CELF2: variants seen among roughly 807,000 people sequenced by gnomAD.
CELF2 encodes CUG triplet repeat RNA-binding protein 2.
A neutral mutation model predicts 62.6 loss-of-function variants in CELF2; 8 were observed. That is an observed-to-expected ratio of 0.13 (90% CI 0.07 to 0.23). CELF2 has a LOEUF of 0.23. Among genes scored for constraint, CELF2 ranks in the 10% least tolerant of loss-of-function variants. The pLI is 1.00. For synonymous variants in CELF2, 258 were observed against 250.0 expected, an observed-to-expected ratio of 1.03 and a Z score of -0.30; for missense variants, 333 against 671.0, an observed-to-expected ratio of 0.50 and a Z score of 5.56.
At chr10:10,943,596 G>GT (rs1377074347) in intron 2 of CELF2, among the ~76,000 whole-genome samples, 1 of 151,504 alleles carries the variant, frequency 6.6e-6, no homozygotes. Flanking sequence ...GCTCTTTTCT[G>GT]TTTTTTGTTT....
intron 1 of CELF2, among the ~76,000 whole-genome samples, chr10:11,113,242 A>G (rs1452525478): frequency 6.6e-6 from 1 of 152,220 alleles, no homozygotes; most frequent in African/African-American, 2.4e-5. Flanking sequence ...TGTTTCCAAA[A>G]GGAAAATCAA....
intron 1 of CELF2, among the ~76,000 whole-genome samples, chr10:10,799,489 A>C (rs2054428408): frequency 6.6e-6 from 1 of 152,114 alleles, no homozygotes; most frequent in Non-Finnish European, 1.5e-5. Flanking sequence ...ATCTCAAAAA[A>C]TTTAAAAAAA....
intron 1 of CELF2, among the ~76,000 whole-genome samples, chr10:10,830,786 T>A (rs576675553): frequency 6.6e-6 from 1 of 152,328 alleles, no homozygotes; most frequent in Non-Finnish European, 1.5e-5. Context: ...AGCACACAAC[T>A]GCATACTTCC....
the CELF2 span, among the ~76,000 whole-genome samples, chr10:10,486,568 G>C: frequency 6.3e-3 from 959 of 152,138 alleles, 2 homozygotes; most frequent in Non-Finnish European, 0.011. Context: ...TTTTATTATG[G>C]GGAGAGTTTT....
the CELF2 span, among the ~76,000 whole-genome samples, chr10:10,618,713 G>A: frequency 6.6e-6 from 1 of 152,068 alleles, no homozygotes. Context: ...CCTGAAGGTC[G>A]TTGCCTCACG....
the CELF2 span, among the ~76,000 whole-genome samples, chr10:10,790,850 C>T: frequency 6.6e-6 from 1 of 152,214 alleles, no homozygotes; most frequent in East Asian, 1.9e-4. Flanking sequence ...TTCTGATTGT[C>T]AGTTAGAAGA....
chr10:11,074,528 A>T lies in CELF2; in HGVS notation c.74+56365A>T, dbSNP rs1257836872. Among the ~76,000 whole-genome samples the T allele has an allele frequency of 2.0e-5, 3 of 152,322 alleles. No homozygotes were observed. The East Asian group carries it at 5.8e-4, about 29-fold the overall frequency. The stretch of plus-strand genomic sequence containing the variant: ...GGGAAAGATTTCTAGCCCATGCCTG[A>T]TTGCCGTTTTTTGGTTTGCCTAATT... On this transcript the variant is annotated intron_variant, in intron 1 of 12. Transcript: ENST00000633077.
At chr10:10,641,147 C>G in the CELF2 span, among the ~76,000 whole-genome samples, 1 of 152,170 alleles carries the variant, frequency 6.6e-6, no homozygotes, top group Non-Finnish European at 1.5e-5. Context: ...CACTCATCAA[C>G]AACAATAACC....
Position 11,064,004 on chromosome 10 carries a change from G to C in CELF2, c.74+45841G>C, listed in dbSNP as rs116653178. Among the ~76,000 whole-genome samples the C allele has an allele frequency of 4.9e-3, 749 of 152,284 alleles. 7 individuals carry two copies. The highest frequency in any genetic ancestry group is 0.018 in the African/African-American group (728 of 41,558). Reference sequence around the variant, plus strand: ...TTGCATTCACTCAGTTGAACTACAGGAAACTAATTCCTGAGTGCCTTCAGC... The same window carrying C: ...TTGCATTCACTCAGTTGAACTACAGCAAACTAATTCCTGAGTGCCTTCAGC... On this transcript the variant is annotated intron_variant, in intron 1 of 12. Transcript: ENST00000633077.
In CELF2 at chr10:11,202,901, A is replaced by ATCTCTCTC. The variant is rs56373613; in HGVS notation, c.272-14480_272-14473dup. 5.6e-4 allele frequency among the ~76,000 whole-genome samples: 40 copies of ATCTCTCTC among 70,964 alleles called. No homozygotes were observed. The East Asian group carries it at 6.2e-3, about 11-fold the overall frequency. The allele number at this position is 70,964 out of a possible 152,430, so 46.6% of individuals were successfully genotyped here. A position where few individuals can be genotyped will look rare whatever the true frequency, so the allele number is the denominator to read the frequency against. ...TGCCTGCCTTCCCACCCCCATCCTC[A>ATCTCTCTC]TCTCTCTCTCTCTCTCTCTCTCTCT... On this transcript the variant is annotated intron_variant, in intron 2 of 12. Transcript: ENST00000633077.
At chr10:10,873,662 A>G (rs770730879) in intron 1 of CELF2, among the ~76,000 whole-genome samples, 7 of 152,364 alleles carry the variant, frequency 4.6e-5, no homozygotes, top group Admixed American at 2.0e-4. Flanking sequence ...TTTTTAACCA[A>G]GGTTGTAGAG....
intron 1 of CELF2, among the ~76,000 whole-genome samples, chr10:10,853,303 G>T (rs752065187): frequency 2.0e-5 from 3 of 152,062 alleles, no homozygotes; most frequent in Admixed American, 2.0e-4. Flanking sequence ...TTTTAACTTT[G>T]TCATGTCTAG....
chr10:10,560,826 C>T, the CELF2 span, among the ~76,000 whole-genome samples: 1 of 152,136 alleles, frequency 6.6e-6, no homozygotes, highest in African/African-American at 2.4e-5. Context: ...CAATGGAATA[C>T]TACTCAGCCA....
chr10:10,726,012 T>G, the CELF2 span, among the ~76,000 whole-genome samples: 1 of 152,204 alleles, frequency 6.6e-6, no homozygotes, highest in South Asian at 2.1e-4. Context: ...GGACTCATTC[T>G]TGCTTTTTCC....
the CELF2 span, among the ~76,000 whole-genome samples, chr10:10,774,033 A>G: frequency 6.6e-6 from 1 of 152,202 alleles, no homozygotes; most frequent in Non-Finnish European, 1.5e-5. Flanking sequence ...TCATGGAGAG[A>G]AAAGGCCAAG....
chr10:10,895,563 G>A (rs949878268), intron 1 of CELF2, among the ~76,000 whole-genome samples: 5 of 152,074 alleles, frequency 3.3e-5, no homozygotes, highest in African/African-American at 9.7e-5. Flanking sequence ...AGACAATGTG[G>A]CCAAGGGTGT....
the CELF2 span, among the ~76,000 whole-genome samples, chr10:10,640,947 G>A: frequency 6.6e-6 from 1 of 152,090 alleles, no homozygotes; most frequent in South Asian, 2.1e-4. Context: ...TGGCTTTGAG[G>A]GCCAAAGAGA....
At chr10:10,640,882 T>C in the CELF2 span, among the ~76,000 whole-genome samples, 1 of 152,202 alleles carries the variant, frequency 6.6e-6, no homozygotes, top group Non-Finnish European at 1.5e-5. Context: ...GGATGGAAAC[T>C]CCATTGGCCA....
chr10:10,530,671 T>C, the CELF2 span, among the ~76,000 whole-genome samples: 1 of 152,214 alleles, frequency 6.6e-6, no homozygotes, highest in Admixed American at 6.5e-5. Flanking sequence ...GAAATTATTC[T>C]GAGTTAACAT....
Sources: allele counts gnomAD v4.1 joint callset (sites outside exome capture counted in the v4.1 genomes callset), GRCh38; gene constraint gnomAD v4.1.1; transcripts MANE v1.5; gene names NCBI Gene and HGNC (gene_info 2026-07-23, HGNC 2026-07-21).